IL15: variants seen among roughly 807,000 people sequenced by gnomAD.
IL15 encodes the protein interleukin 15, also known as interleukin-15.
Under a neutral mutation model 19.6 loss-of-function variants are expected in IL15, and 11 were observed. The observed-to-expected ratio is 0.56, with a 90% confidence interval of 0.35 to 0.93. The LOEUF (loss-of-function observed/expected upper bound fraction) is 0.93. Among genes scored for constraint, IL15 ranks in the 40% least tolerant of loss-of-function variants. IL15 has a pLI of 0.01. For synonymous variants in IL15, 58 were observed against 59.6 expected, an observed-to-expected ratio of 0.97 and a Z score of 0.12; for missense variants, 197 against 186.5, an observed-to-expected ratio of 1.06 and a Z score of -0.33.
chr4:141,716,414 C>A (rs72712438), intron 2 of IL15: 18,826 of 152,344 alleles, frequency 0.12, 1,247 homozygotes, highest in Non-Finnish European at 0.15. Context: ...TAAGTGGCCC[C>A]AGCTGCAGCT....
rs1354310563 is a variant in IL15, at chr4:141,733,595, A to G, written c.*747A>G. 2 of 152,212 alleles carry G rather than the reference A, an allele frequency of 1.3e-5. No homozygotes were observed. The highest frequency in any genetic ancestry group is 4.8e-5 in the African/African-American group (2 of 41,438). The allele number at this position is 152,212 out of a possible 1,614,324, so 9.4% of individuals were successfully genotyped here. On this transcript the variant is annotated 3_prime_UTR_variant, in exon 8 of 8. Transcript: ENST00000320650. ...AGGACAACTTTGAATGTGGCCCAAC[A>G]CAAATTCATAAACTTTCATACATCT...
intron 2 of IL15, among the ~76,000 whole-genome samples, chr4:141,666,038 G>T (rs915118973): frequency 6.6e-6 from 1 of 151,690 alleles, no homozygotes; most frequent in Admixed American, 6.6e-5. Flanking sequence ...TCAGAAGCAG[G>T]ACTCAGAAAA....
chr4:141,655,332 T>A (rs1305011974), intron 1 of IL15, among the ~76,000 whole-genome samples: 1 of 151,180 alleles, frequency 6.6e-6, no homozygotes, highest in Non-Finnish European at 1.5e-5. Flanking sequence ...AAATCAAATT[T>A]AAGGCGGTAT....
Position 141,732,994 on chromosome 4 carries a change from T to G in IL15, c.*146T>G. 7.7e-7 allele frequency: 1 copy of G among 1,295,720 alleles called. No individual in the cohort carries two copies. Among genetic ancestry groups the G allele is most frequent in the South Asian group, 1.8e-5 (1 of 55,186 alleles). 80.3% of individuals were successfully genotyped at this position (1,295,720 alleles called of 1,614,324 possible). The stretch of plus-strand genomic sequence containing the variant: ...TGATCAGACCTTGGATCAGATGAAC[T>G]CTTAGAAATGAAGGCAGAAAAATGT... On this transcript the variant is annotated 3_prime_UTR_variant, in exon 8 of 8. Coordinates refer to ENST00000320650, the MANE Select transcript of IL15 (RefSeq NM_000585.5).
intron 5 of IL15, among the ~76,000 whole-genome samples, chr4:141,724,553 A>G (rs1245370254): frequency 7.7e-6 from 1 of 130,250 alleles, no homozygotes; most frequent in Non-Finnish European, 1.6e-5. Context: ...GAAAATCAAT[A>G]CAATTGATCT....
At chr4:141,679,516 T>C (rs1418982648) in intron 2 of IL15, among the ~76,000 whole-genome samples, 1 of 152,258 alleles carries the variant, frequency 6.6e-6, no homozygotes, top group East Asian at 1.9e-4. Flanking sequence ...TTGTATACTC[T>C]TGTGATCTCA....
intron 2 of IL15, among the ~76,000 whole-genome samples, chr4:141,710,925 C>T (rs1353462062): frequency 6.6e-6 from 1 of 152,028 alleles, no homozygotes; most frequent in South Asian, 2.1e-4. Flanking sequence ...CACCATTTCC[C>T]CCAGGGAGAG....
chr4:141,730,473 A>G (rs560702844), intron 7 of IL15, among the ~76,000 whole-genome samples: 6 of 152,276 alleles, frequency 3.9e-5, no homozygotes, highest in African/African-American at 1.2e-4. Context: ...AAATTGTAGC[A>G]CTGAGAGCCT....
chr4:141,730,233 G>A (rs757271989), intron 7 of IL15, among the ~76,000 whole-genome samples: 4 of 152,116 alleles, frequency 2.6e-5, no homozygotes, highest in Non-Finnish European at 5.9e-5. Context: ...AATTATAGTT[G>A]CAAACCAGAC....
chr4:141,688,401 G>A (rs756712780), intron 2 of IL15, among the ~76,000 whole-genome samples: 6 of 152,080 alleles, frequency 3.9e-5, no homozygotes, highest in Non-Finnish European at 8.8e-5. Flanking sequence ...GGAGGAGATC[G>A]CTTTAAAAAC....
intron 2 of IL15, among the ~76,000 whole-genome samples, chr4:141,658,114 C>T (rs1336886695): frequency 6.6e-6 from 1 of 152,018 alleles, no homozygotes; most frequent in African/African-American, 2.4e-5. Context: ...GGGCAAACTT[C>T]CCCCTTGCTG....
chr4:141,684,913 A>G (rs546249623), intron 2 of IL15, among the ~76,000 whole-genome samples: 1 of 151,550 alleles, frequency 6.6e-6, no homozygotes, highest in East Asian at 1.9e-4. Context: ...TATTTATTGT[A>G]TCTCCTCTAT....
At chr4:141,705,696 T>C (rs372270570) in intron 2 of IL15, among the ~76,000 whole-genome samples, 2 of 152,138 alleles carry the variant, frequency 1.3e-5, no homozygotes, top group Non-Finnish European at 2.9e-5. Flanking sequence ...ACTATTATTG[T>C]ATTGCCCTCT....
chr4:141,640,144 G>A (rs534257813), intron 1 of IL15, among the ~76,000 whole-genome samples: 3 of 152,108 alleles, frequency 2.0e-5, no homozygotes, highest in Non-Finnish European at 4.4e-5. Context: ...AAGCCTGAAG[G>A]ACAAATTATT....
At chr4:141,726,327 A>T (rs1730263894) in intron 5 of IL15, among the ~76,000 whole-genome samples, 1 of 152,214 alleles carries the variant, frequency 6.6e-6, no homozygotes, top group South Asian at 2.1e-4. Context: ...AAATGGGTAT[A>T]TTTTGTTTAG....
chr4:141,706,797 T>C (rs1356864763), intron 2 of IL15, among the ~76,000 whole-genome samples: 1 of 152,116 alleles, frequency 6.6e-6, no homozygotes, highest in Non-Finnish European at 1.5e-5. Context: ...AGAGATCCTT[T>C]TGTATGTGAG....
intron 2 of IL15, among the ~76,000 whole-genome samples, chr4:141,672,032 G>A (rs564858295): frequency 2.0e-5 from 3 of 152,260 alleles, no homozygotes; most frequent in Admixed American, 6.5e-5. Context: ...TACTTATTTT[G>A]TTGTGTGTGT....
intron 2 of IL15, chr4:141,717,556 G>C (rs547381765): frequency 6.6e-6 from 1 of 152,550 alleles, no homozygotes; most frequent in Non-Finnish European, 1.5e-5. Context: ...CCAGCCTCCA[G>C]AACTGTGAGC....
intron 1 of IL15, among the ~76,000 whole-genome samples, chr4:141,645,119 T>C (rs185954388): frequency 1.1e-4 from 17 of 152,290 alleles, no homozygotes; most frequent in Admixed American, 9.8e-4. Flanking sequence ...GTTTTTAAGT[T>C]CAATGATATT....
Sources: allele counts gnomAD v4.1 joint callset (sites outside exome capture counted in the v4.1 genomes callset), GRCh38; gene constraint gnomAD v4.1.1; transcripts MANE v1.5; gene names NCBI Gene and HGNC (gene_info 2026-07-23, HGNC 2026-07-21).